The following MIA2 variants were observed in gnomAD, a reference collection of about 807,000 sequenced individuals.
MIA2 encodes melanoma inhibitory activity protein 2.
MIA2 carries 127 observed loss-of-function variants against 167.8 expected under a neutral mutation model. That is an observed-to-expected ratio of 0.76 (90% CI 0.66 to 0.88). The LOEUF (loss-of-function observed/expected upper bound fraction) is 0.88, where lower values mean the gene tolerates loss of function less well. Among genes scored for constraint, MIA2 ranks in the 40% least tolerant of loss-of-function variants. MIA2 has a pLI of 0.00. For synonymous variants in MIA2, 552 were observed against 541.9 expected (o/e 1.02, Z -0.26); for missense variants, 1,690 against 1,624.7 (o/e 1.04, Z -0.69).
At chr14:39,333,656 G>A (rs1419673404) in intron 25 of MIA2, among the ~76,000 whole-genome samples, 1 of 152,158 alleles carries the variant, frequency 6.6e-6, no homozygotes, top group Non-Finnish European at 1.5e-5. Flanking sequence ...ATACCCGGTT[G>A]TTACTCCTTT....
chr14:39,356,533 GT>G (rs896791045), intron 23 of MIA2, among the ~76,000 whole-genome samples: 5 of 152,034 alleles, frequency 3.3e-5, no homozygotes, highest in African/African-American at 1.2e-4. Context: ...TTTTTGAAGG[GT>G]TTTTTGTGTC....
rs1566746769 is a variant in MIA2, at chr14:39,288,449, A to ATTTT, written c.2131-2569_2131-2568insTTTT. 5.3e-3 allele frequency among the ~76,000 whole-genome samples: 23 copies of ATTTT among 4,370 alleles called. 2 individuals are homozygous for ATTTT. The highest frequency in any genetic ancestry group is 0.016 in the East Asian group (4 of 248). The allele number at this position is 4,370 out of a possible 152,430, so 2.9% of individuals were successfully genotyped here. A position where few individuals can be genotyped will look rare whatever the true frequency, so the allele number is the denominator to read the frequency against. On this transcript the variant is annotated intron_variant, in intron 9 of 28. Coordinates refer to ENST00000640607, the MANE Select transcript of MIA2 (RefSeq NM_001329214.4). ...ATATTATACATATATATATATATAT[A>ATTTT]TATATATATATATATATATATATAT...
rs112891428 is a variant in MIA2 at position 39,364,435 on chromosome 14, G to GT, written c.2248+15468dup. Among the ~76,000 whole-genome samples, 506 of 147,264 alleles carry GT rather than the reference G, an allele frequency of 3.4e-3. 2 individuals are homozygous for GT. The highest frequency in any genetic ancestry group is 0.011 in the African/African-American group (431 of 40,192). On this transcript the variant is annotated intron_variant, in intron 23 of 23. Coordinates refer to the MIA2 transcript ENST00000341502. Reference sequence around the variant, plus strand: ...CTTTCTAGTTTATTGTGGTTTGTTGGTTTTTTTTTTGTTTTGTTTTTTTTT... The same window carrying GT: ...CTTTCTAGTTTATTGTGGTTTGTTGGTTTTTTTTTTTGTTTTGTTTTTTTTT...
intron 23 of MIA2, among the ~76,000 whole-genome samples, chr14:39,364,713 TG>T (rs1483476402): frequency 2.2e-5 from 3 of 134,858 alleles, no homozygotes; most frequent in Non-Finnish European, 5.2e-5. Context: ...GCTGATAGTT[TG>T]TTTTTTTTGT....
At chr14:39,332,474 T>C (rs1451594319) in intron 25 of MIA2, among the ~76,000 whole-genome samples, 4 of 152,222 alleles carry the variant, frequency 2.6e-5, no homozygotes, top group Non-Finnish European at 4.4e-5. Context: ...TGTCCAGTTT[T>C]GTTCCCTTGC....
At chr14:39,269,322 TCTA>T (rs2152694695) in intron 6 of MIA2, among the ~76,000 whole-genome samples, 1 of 152,032 alleles carries the variant, frequency 6.6e-6, no homozygotes, top group South Asian at 2.1e-4. Context: ...GAAAATAAAC[TCTA>T]CTGATTAGCA....
At chr14:39,364,026 A>G (rs897604878) in intron 23 of MIA2, among the ~76,000 whole-genome samples, 1 of 152,110 alleles carries the variant, frequency 6.6e-6, no homozygotes, top group African/African-American at 2.4e-5. Context: ...GTTCTAGGTC[A>G]TTGTTCATAT....
intron 25 of MIA2, 118 bp downstream of exon 25, chr14:39,327,140 T>G: frequency 1.4e-6 from 1 of 721,692 alleles, no homozygotes; most frequent in Non-Finnish European, 2.0e-6. Flanking sequence ...TCATCGTACA[T>G]TTTTGAAAAC....
intron 25 of MIA2, among the ~76,000 whole-genome samples, chr14:39,337,865 A>G (rs948592752): frequency 1.3e-5 from 2 of 152,040 alleles, no homozygotes; most frequent in African/African-American, 4.8e-5. Context: ...CTTCAGGCAC[A>G]CACCACCATG....
chr14:39,302,269 C>T lies in MIA2; in HGVS notation c.2740+20C>T, dbSNP rs1306005230. On this transcript the variant is annotated intron_variant, in intron 15 of 28. Coordinates refer to ENST00000640607, the MANE Select transcript of MIA2 (RefSeq NM_001329214.4). ...ACTTAGGTATTAAGTCATGACTCAT[C>T]TCCTTTTGCTAAAATGGTGACTAGC... 6.2e-7 allele frequency: 1 copy of T among 1,610,220 alleles called. No individual in the cohort carries two copies. The highest frequency in any genetic ancestry group is 1.1e-5 in the South Asian group (1 of 90,676).
At chr14:39,253,019 A>G (rs1455280540) in intron 5 of MIA2, 52 bp from the exon 6 acceptor site, 1 of 1,557,952 alleles carries the variant, frequency 6.4e-7, no homozygotes, top group East Asian at 2.3e-5. Flanking sequence ...AGAAATTAGA[A>G]TCAGAAGTTA....
At chr14:39,253,354 T>C in intron 6 of MIA2, 183 bp downstream of exon 6, 1 of 812,158 alleles carries the variant, frequency 1.2e-6, no homozygotes, top group Non-Finnish European at 1.9e-6. Flanking sequence ...ATATTGATTT[T>C]TAAAAACATT....
intron 25 of MIA2, among the ~76,000 whole-genome samples, chr14:39,332,637 C>T (rs1036181298): frequency 3.3e-5 from 5 of 152,018 alleles, no homozygotes; most frequent in Admixed American, 2.0e-4. Flanking sequence ...TGGTCCTTCA[C>T]GGCACAGTCC....
chr14:39,274,627 C>T (rs1390257273), intron 6 of MIA2, among the ~76,000 whole-genome samples: 1 of 149,390 alleles, frequency 6.7e-6, no homozygotes, highest in Non-Finnish European at 1.5e-5. Context: ...GGTTTCACCA[C>T]GTTGGCCAGA....
chr14:39,272,634 A>G (rs1248389019), intron 6 of MIA2, among the ~76,000 whole-genome samples: 2 of 152,186 alleles, frequency 1.3e-5, no homozygotes, highest in African/African-American at 2.4e-5. Flanking sequence ...GCAAGGTGGC[A>G]TGTGCCTGTA....
At chr14:39,357,436 C>T (rs894286026) in intron 23 of MIA2, among the ~76,000 whole-genome samples, 3 of 152,064 alleles carry the variant, frequency 2.0e-5, no homozygotes, top group African/African-American at 7.2e-5. Context: ...TATTTTGAGC[C>T]TATGTATGTC....
intron 23 of MIA2, among the ~76,000 whole-genome samples, chr14:39,371,158 T>G (rs2074936165): frequency 1.3e-5 from 2 of 152,220 alleles, no homozygotes; most frequent in Non-Finnish European, 2.9e-5. Flanking sequence ...CTTTTCTTGG[T>G]GAGCACTTAC....
chr14:39,279,671 A>G, intron 9 of MIA2, 134 bp downstream of exon 9: 1 of 616,480 alleles, frequency 1.6e-6, no homozygotes. Context: ...TGCTCTTCAT[A>G]TTCAACACTT....
At chr14:39,279,841 C>T (rs1002271075) in intron 9 of MIA2, among the ~76,000 whole-genome samples, 1 of 152,138 alleles carries the variant, frequency 6.6e-6, no homozygotes, top group Non-Finnish European at 1.5e-5. Context: ...GTTCTCTTTT[C>T]GTAAAGACAC....
Sources: allele counts gnomAD v4.1 joint callset (sites outside exome capture counted in the v4.1 genomes callset), GRCh38; gene constraint gnomAD v4.1.1; transcripts MANE v1.5; gene names NCBI Gene and HGNC (gene_info 2026-07-23, HGNC 2026-07-21).